Variants in VPS11 observed in about 807,000 individuals in gnomAD.
VPS11 encodes the protein VPS11 core subunit of CORVET and HOPS complexes.
In VPS11, 51 loss-of-function variants were observed where a neutral mutation model predicts 106.8. The observed-to-expected ratio is 0.48, with a 90% CI of 0.38 to 0.60. The LOEUF (loss-of-function observed/expected upper bound fraction) is 0.60, where lower values mean the gene tolerates loss of function less well. Ranked by LOEUF, VPS11 falls within the 20% of genes least tolerant of loss-of-function variation. VPS11 has a pLI of 0.00. For missense variants in VPS11, 950 were observed against 1,190.0 expected (o/e 0.80, Z 2.97); for synonymous variants, 453 against 458.7 (o/e 0.99, Z 0.16).
Position 119,071,769 on chromosome 11 carries a change from G to A in VPS11, c.810G>A (p.Glu270=). 6.2e-7 allele frequency: 1 copy of A among 1,613,980 alleles called. No individual in the cohort carries two copies. The highest frequency in any genetic ancestry group is 8.5e-7 in the Non-Finnish European group (1 of 1,179,884). ...PDERGPCFAF[E]GHKLIAHWFR... ...AACGTGGGCCCTGCTTCGCCTTTGAGGGCCATAAGCTCATTGCCCACTGGT... is the reference window on the plus strand; with the variant it reads ...AACGTGGGCCCTGCTTCGCCTTTGAAGGCCATAAGCTCATTGCCCACTGGT... Residue 270 remains glutamate (E), a synonymous_variant, in exon 5 of 16, where the codon GAG becomes GAA. Coordinates refer to ENST00000621676, the MANE Select transcript of VPS11 (RefSeq NM_021729.6).
At position 119,079,268 on chromosome 11, in the gene VPS11, T is replaced by C; in HGVS notation, c.2406T>C (p.Arg802=). 6.2e-7 allele frequency: 1 copy of C among 1,601,906 alleles called. No individual in the cohort carries two copies. ...RVRRYREETT[R]IRQEIQELKA... is the part of the protein sequence containing the mutation. ...GGCGGTACCGAGAGGAGACCACCCG[T>C]ATCCGCCAGGAGATCCAAGAGCTCA... Residue 802 remains arginine, a synonymous_variant, in exon 14 of 16, where the codon CGT becomes CGC. Transcript: ENST00000621676.
At position 119,069,190 on chromosome 11, in the gene VPS11, C is replaced by T. The variant is rs782255304; in HGVS notation, c.188-6C>T. Reference sequence around the variant, plus strand: ...TTGGAAAGGAGGCTCCTTGACTACCCTGCACATATGGAAGGCCAGATCTGG... The same window carrying T: ...TTGGAAAGGAGGCTCCTTGACTACCTTGCACATATGGAAGGCCAGATCTGG... On this transcript the variant is annotated splice_region_variant and splice_polypyrimidine_tract_variant and intron_variant, in intron 1 of 15. Transcript: ENST00000621676. 6.2e-7 allele frequency: 1 copy of T among 1,613,852 alleles called. No individual in the cohort carries two copies. Among genetic ancestry groups the T allele is most frequent in the Non-Finnish European group, 8.5e-7 (1 of 1,179,896 alleles).
chr11:119,080,322 T>A (rs1359424990), intron 14 of VPS11, among the ~76,000 whole-genome samples: 2 of 152,086 alleles, frequency 1.3e-5, no homozygotes, highest in African/African-American at 4.8e-5. Flanking sequence ...CCTCCCAAAG[T>A]GCTGGGATTA....
rs782604630 is a variant in VPS11 at position 119,079,169 on chromosome 11, C to T, written c.2307C>T (p.Ser769=). 6.0e-5 allele frequency: 97 copies of T among 1,613,734 alleles called. No individual in the cohort carries two copies. Among genetic ancestry groups the T allele is most frequent in the East Asian group, 2.9e-4 (13 of 44,890 alleles). The part of the protein sequence containing the change: ...TLAHNSTATL[S]VIRDYLVQKL... ...CCCACAACTCCACAGCCACACTCTC[C>T]GTCATCAGGGACTACCTGGTCCAAA... Residue 769 remains serine (S), a synonymous_variant, in exon 14 of 16, where the codon TCC becomes TCT. Transcript: ENST00000621676.
At chr11:119,074,596 G>A (rs181333548) in intron 7 of VPS11, among the ~76,000 whole-genome samples, 1 of 152,130 alleles carries the variant, frequency 6.6e-6, no homozygotes, top group East Asian at 1.9e-4. Flanking sequence ...GTAGAGACGG[G>A]GTTTCACCAC....
In VPS11 at chr11:119,073,905, C is replaced by T; in HGVS notation, c.1192C>T (p.Leu398Phe). The T allele has an allele frequency of 1.2e-6, 2 of 1,613,760 alleles. No individual in the cohort carries two copies. Among genetic ancestry groups the T allele is most frequent in the Middle Eastern group, 1.7e-4 (1 of 5,922 alleles). Residue 398 changes from leucine to phenylalanine, a missense_variant, in exon 7 of 16, where the codon CTC (leucine) becomes TTC (phenylalanine). Around this residue, in one of 3 missense-constraint regions of VPS11, gnomAD observed 435 missense variants for 630.2 expected, o/e 0.69. Transcript: ENST00000621676. ...AQIFMQYGDHLYSKGNHDGAV... is the reference protein window; with the variant it reads ...AQIFMQYGDHFYSKGNHDGAV... ...GATTTTCATGCAGTATGGAGACCAT[C>T]TCTACAGCAAGGGCAACCACGATGG...
chr11:119,069,142 G>C, intron 1 of VPS11, 54 bp from the exon 2 acceptor site: 3 of 1,604,322 alleles, frequency 1.9e-6, no homozygotes, highest in Non-Finnish European at 2.6e-6. Flanking sequence ...TCTGAGTTCT[G>C]GTCTGAATGT....
intron 1 of VPS11, chr11:119,068,231 A>C (rs1750236963): frequency 2.2e-6 from 1 of 459,280 alleles, no homozygotes; most frequent in Non-Finnish European, 3.8e-6. Context: ...CTGGGTTTTA[A>C]TTTCCTTATC....
At position 119,078,785 on chromosome 11, in the gene VPS11, C is replaced by T. The variant is rs1164597378; in HGVS notation, c.2064-10C>T. ...ACAGCCACTGAGGTGTGCCCTTGCC[C>T]CGGCCGCAGGTTCCAGCAGATCATG... On this transcript the variant is annotated splice_polypyrimidine_tract_variant and intron_variant, in intron 12 of 15. Coordinates refer to ENST00000621676, the MANE Select transcript of VPS11 (RefSeq NM_021729.6). 6.2e-7 allele frequency: 1 copy of T among 1,611,972 alleles called. No homozygotes were observed.
intron 4 of VPS11, 56 bp downstream of exon 4, chr11:119,070,453 AG>A (rs1428074934): frequency 6.5e-6 from 10 of 1,527,294 alleles, no homozygotes; most frequent in Non-Finnish European, 1.8e-6. Context: ...TCCATTGTTC[AG>A]GGGGATAGGG....
At chr11:119,071,934 A>G in intron 5 of VPS11, 91 bp downstream of exon 5, 1 of 1,497,936 alleles carries the variant, frequency 6.7e-7, no homozygotes, top group Non-Finnish European at 9.0e-7. Context: ...GGATACTGCC[A>G]ATCTCCTACT....
chr11:119,075,546 A>T, intron 7 of VPS11, among the ~76,000 whole-genome samples: 1 of 149,274 alleles, frequency 6.7e-6, no homozygotes, highest in Non-Finnish European at 1.5e-5. Flanking sequence ...CTCCACTAAA[A>T]AAAAAAAAAA....
chr11:119,073,036 C>G (rs1945458272), intron 5 of VPS11, 162 bp from the exon 6 acceptor site: 2 of 735,006 alleles, frequency 2.7e-6, no homozygotes, highest in South Asian at 1.8e-5. Flanking sequence ...TATGTGTTCT[C>G]TATGTACAAC....
chr11:119,076,081 C>T (rs1174225255), intron 7 of VPS11, among the ~76,000 whole-genome samples: 1 of 151,892 alleles, frequency 6.6e-6, no homozygotes, highest in Non-Finnish European at 1.5e-5. Context: ...CAAAAATTAG[C>T]TGGGTGTGGT....
Position 119,073,329 on chromosome 11 carries a change from C to T in VPS11, c.1016C>T (p.Ser339Phe), listed in dbSNP as rs782099370. Residue 339 changes from serine to phenylalanine, a missense_variant, in exon 6 of 16, where the codon TCC (serine) becomes TTC (phenylalanine). By Grantham distance (155) the Ser-to-Phe change is radical. This residue lies in a region of VPS11 where 435 missense variants were observed against 630.2 expected (regional missense o/e 0.69). Transcript: ENST00000621676. Reference sequence around the variant, plus strand: ...GTGGATGTGCTTGCTGAGTGGGGCTCCCTGTACGTGCTGACGCGGGATGGG... The same window carrying T: ...GTGGATGTGCTTGCTGAGTGGGGCTTCCTGTACGTGCTGACGCGGGATGGG... ...DVVDVLAEWG[S>F]LYVLTRDGRV... 21 of 1,613,882 alleles carry T rather than the reference C, an allele frequency of 1.3e-5. No homozygotes were observed. The highest frequency in any genetic ancestry group is 2.7e-5 in the African/African-American group (2 of 74,938).
At chr11:119,071,424 G>A (rs45609135) in intron 4 of VPS11, among the ~76,000 whole-genome samples, 172 bp from the exon 5 acceptor site, 6,921 of 152,174 alleles carry the variant, frequency 0.045, 221 homozygotes, top group Middle Eastern at 0.1. Flanking sequence ...GTGATCTCTG[G>A]TTATATATTT....
At chr11:119,068,996 ACCCCCCCCCCCC>A (rs57666763) in intron 1 of VPS11, among the ~76,000 whole-genome samples, 188 bp from the exon 2 acceptor site, 1 of 11,572 alleles carries the variant, frequency 8.6e-5, no homozygotes, top group African/African-American at 2.7e-4. Flanking sequence ...GGTGATCCGC[ACCCCCCCCCCCC>A]CCCGGCCTCC....
intron 15 of VPS11, 67 bp downstream of exon 15, chr11:119,081,381 G>A (rs1479217244): frequency 6.2e-7 from 1 of 1,611,178 alleles, no homozygotes; most frequent in Admixed American, 1.7e-5. Context: ...TGGAGGGCTT[G>A]TTTCCTTATC....
At chr11:119,073,089 G>A (rs1201063656) in intron 5 of VPS11, 109 bp from the exon 6 acceptor site, 1 of 1,245,442 alleles carries the variant, frequency 8.0e-7, no homozygotes, top group Non-Finnish European at 1.1e-6. Flanking sequence ...AGGGACCAGA[G>A]AGGTGATTTG....
Sources: allele counts gnomAD v4.1 joint callset (sites outside exome capture counted in the v4.1 genomes callset), GRCh38; gene constraint gnomAD v4.1.1; regional missense constraint gnomAD v4.1.1; transcripts MANE v1.5; gene names NCBI Gene and HGNC (gene_info 2026-07-23, HGNC 2026-07-21).